FILIP1: variants seen among roughly 807,000 people sequenced by gnomAD.
The protein encoded by FILIP1 is filamin A interacting protein 1, also known as filamin-A-interacting protein 1.
In FILIP1, 61 loss-of-function variants were observed where a neutral mutation model predicts 102.1. The ratio of observed to expected loss-of-function variants is 0.60; its 90% confidence interval spans 0.49 to 0.74. The LOEUF is 0.74. Among genes scored for constraint, FILIP1 ranks in the 30% least tolerant of loss-of-function variants. FILIP1 has a pLI of 0.00. For synonymous variants in FILIP1, 491 were observed against 526.9 expected (o/e 0.93, Z 0.93); for missense variants, 1,314 against 1,441.2 (o/e 0.91, Z 1.43).
intron 4 of FILIP1, among the ~76,000 whole-genome samples, chr6:75,338,349 G>A (rs1774309872): frequency 2.0e-5 from 3 of 152,152 alleles, no homozygotes; most frequent in Admixed American, 2.0e-4. Context: ...CCCAAACTTT[G>A]ATTAATCTTT....
At position 75,492,758 on chromosome 6, in the gene FILIP1, T is replaced by G. The variant is rs142495075; in HGVS notation, c.-7+656A>C. ...ATCTAAATACAAGTATTGATTTATT[T>G]TTTAAAAGTACACAAATATCATTAT... On this transcript the variant is annotated intron_variant, in intron 1 of 5. Coordinates refer to ENST00000237172, the MANE Select transcript of FILIP1 (RefSeq NM_015687.5). 1.4e-4 allele frequency among the ~76,000 whole-genome samples: 22 copies of G among 152,332 alleles called. No homozygotes were observed. The East Asian group carries it at 4.2e-3, about 29-fold the overall frequency.
intron 2 of FILIP1, among the ~76,000 whole-genome samples, chr6:75,398,590 C>G (rs565584856): frequency 5.4e-4 from 82 of 152,256 alleles, no homozygotes; most frequent in African/African-American, 1.8e-3. Flanking sequence ...GTCCCTGAAA[C>G]TGTTCAGAAG....
chr6:75,327,601 C>A (rs1022776808), intron 4 of FILIP1, among the ~76,000 whole-genome samples: 2 of 121,436 alleles, frequency 1.6e-5, no homozygotes, highest in Admixed American at 8.3e-5. Context: ...ATAAAAAGGT[C>A]AATGCACAGA....
At chr6:75,463,393 A>AC (rs1779080448) in intron 1 of FILIP1, among the ~76,000 whole-genome samples, 1 of 152,240 alleles carries the variant, frequency 6.6e-6, no homozygotes. Context: ...TAGTGGCGGT[A>AC]AAACTAAAGA....
chr6:75,457,856 T>G (rs891479284), intron 1 of FILIP1, among the ~76,000 whole-genome samples: 1 of 152,182 alleles, frequency 6.6e-6, no homozygotes, highest in African/African-American at 2.4e-5. Flanking sequence ...GCCTATCCCT[T>G]TAATTATTCT....
chr6:75,323,159 T>G (rs1773720494), intron 4 of FILIP1, among the ~76,000 whole-genome samples: 2 of 152,212 alleles, frequency 1.3e-5, no homozygotes, highest in Admixed American at 6.5e-5. Flanking sequence ...TTTTTTACAT[T>G]TAATTAAATA....
chr6:75,380,856 A>G (rs954868451), intron 2 of FILIP1, among the ~76,000 whole-genome samples: 1 of 152,190 alleles, frequency 6.6e-6, no homozygotes, highest in Non-Finnish European at 1.5e-5. Flanking sequence ...ACATGTGAAG[A>G]AAAATACCCA....
chr6:75,405,464 AC>A (rs772273341), intron 2 of FILIP1, among the ~76,000 whole-genome samples: 24 of 152,226 alleles, frequency 1.6e-4, no homozygotes, highest in Non-Finnish European at 2.8e-4. Context: ...AGAAAAAAAA[AC>A]ATAAAGTTTT....
At chr6:75,358,129 A>G (rs538292509) in intron 3 of FILIP1, among the ~76,000 whole-genome samples, 1 of 152,158 alleles carries the variant, frequency 6.6e-6, no homozygotes, top group Non-Finnish European at 1.5e-5. Flanking sequence ...TCTAATGAAT[A>G]AAGTTAGTGG....
intron 1 of FILIP1, among the ~76,000 whole-genome samples, chr6:75,429,515 C>T (rs1408321848): frequency 2.0e-5 from 3 of 152,116 alleles, no homozygotes; most frequent in Non-Finnish European, 4.4e-5. Context: ...AGGCCCCTAG[C>T]AGGTATAAAT....
chr6:75,377,433 C>T (rs1019621718), intron 2 of FILIP1, among the ~76,000 whole-genome samples: 3 of 152,168 alleles, frequency 2.0e-5, no homozygotes, highest in Non-Finnish European at 4.4e-5. Flanking sequence ...ACATGAACAT[C>T]TCATATGTAC....
chr6:75,319,831 C>CA (rs71002732), intron 4 of FILIP1: 22,931 of 343,384 alleles, frequency 0.067, 541 homozygotes, highest in Non-Finnish European at 0.087. Context: ...CTCCGTCCCC[C>CA]AAAAAAAAAA....
intron 4 of FILIP1, among the ~76,000 whole-genome samples, chr6:75,345,766 C>T (rs1774560106): frequency 6.6e-6 from 1 of 152,146 alleles, no homozygotes; most frequent in Non-Finnish European, 1.5e-5. Context: ...AGCTGCTCTC[C>T]TCTCTCCTTT....
At chr6:75,372,764 A>T (rs1394098312) in intron 2 of FILIP1, among the ~76,000 whole-genome samples, 1 of 32,388 alleles carries the variant, frequency 3.1e-5, no homozygotes, top group Non-Finnish European at 6.9e-5. Flanking sequence ...GAAAGAAAGA[A>T]AGAAAGAAAG....
chr6:75,356,801 ATGAGG>A (rs1775018820), intron 3 of FILIP1, among the ~76,000 whole-genome samples: 2 of 152,188 alleles, frequency 1.3e-5, no homozygotes, highest in Admixed American at 6.5e-5. Flanking sequence ...CAGTCTATAC[ATGAGG>A]TTTTCCCATT....
At chr6:75,396,900 C>T (rs986012387) in intron 2 of FILIP1, among the ~76,000 whole-genome samples, 1 of 151,466 alleles carries the variant, frequency 6.6e-6, no homozygotes, top group South Asian at 2.1e-4. Flanking sequence ...CAGGCTGACA[C>T]GTTATGCCAA....
chr6:75,363,208 G>A (rs149482112), intron 2 of FILIP1, among the ~76,000 whole-genome samples: 6 of 152,084 alleles, frequency 3.9e-5, no homozygotes, highest in Non-Finnish European at 7.4e-5. Context: ...GGTGGGGGAG[G>A]GAGGCAAGCA....
intron 1 of FILIP1, among the ~76,000 whole-genome samples, chr6:75,435,561 C>T (rs1437573107): frequency 1.3e-5 from 2 of 152,180 alleles, no homozygotes; most frequent in Non-Finnish European, 2.9e-5. Flanking sequence ...ATTATGGCCT[C>T]TCAAACTCTG....
intron 2 of FILIP1, among the ~76,000 whole-genome samples, chr6:75,400,114 T>C (rs1241552074): frequency 6.6e-6 from 1 of 152,132 alleles, no homozygotes; most frequent in Non-Finnish European, 1.5e-5. Context: ...TTAGGCACTG[T>C]GACAGGTAGA....
Sources: gnomAD v4.1 joint callset for allele counts (sites outside exome capture counted in the v4.1 genomes callset) on GRCh38, gnomAD v4.1.1 for gene constraint, MANE v1.5 for transcripts, NCBI Gene and HGNC (gene_info 2026-07-23, HGNC 2026-07-21) for gene names.